Variants in MYO1E observed in about 807,000 individuals in gnomAD.
MYO1E encodes myosin IE.
In MYO1E, 68 loss-of-function variants were observed where a neutral mutation model predicts 151.1. The observed-to-expected ratio is 0.45, with a 90% CI of 0.37 to 0.55. MYO1E has a LOEUF of 0.55. Among genes scored for constraint, MYO1E ranks in the 20% least tolerant of loss-of-function variants. The probability of loss-of-function intolerance (pLI) is 0.00; values close to 1 mark genes in which losing one functional copy is unlikely to be tolerated. For missense variants in MYO1E, 1,363 were observed against 1,389.3 expected, an observed-to-expected ratio of 0.98 and a Z score of 0.30; for synonymous variants, 601 against 501.7, an observed-to-expected ratio of 1.20 and a Z score of -2.64.
chr15:59,193,300 G>C (rs1566975184), intron 17 of MYO1E, among the ~76,000 whole-genome samples: 1 of 152,198 alleles, frequency 6.6e-6, no homozygotes, highest in Non-Finnish European at 1.5e-5. Flanking sequence ...GATGTTTTCT[G>C]TATGATTGAT....
rs760211134 is a variant in MYO1E at position 59,153,551 on chromosome 15, G to A, written c.3080+39C>T. ...ACCCTTGTTTTGAATGATGGAGATGGAGCTTGCCGGCTTCATCCAGAGGAT... is the reference window on the plus strand; with the variant it reads ...ACCCTTGTTTTGAATGATGGAGATGAAGCTTGCCGGCTTCATCCAGAGGAT... On this transcript the variant is annotated intron_variant, in intron 26 of 27. Transcript: ENST00000288235. 1.4e-5 allele frequency: 23 copies of A among 1,593,188 alleles called. No homozygotes were observed. In the South Asian group the frequency reaches 2.2e-4, roughly 15 times the overall value.
intron 18 of MYO1E, among the ~76,000 whole-genome samples, chr15:59,179,683 G>A (rs1350501781): frequency 6.6e-6 from 1 of 152,140 alleles, no homozygotes; most frequent in African/African-American, 2.4e-5. Flanking sequence ...ATCCCTCTCT[G>A]TCTCTTTCAT....
chr15:59,282,714 C>T (rs1236340340), intron 1 of MYO1E, among the ~76,000 whole-genome samples: 2 of 150,274 alleles, frequency 1.3e-5, no homozygotes, highest in African/African-American at 2.5e-5. Flanking sequence ...GACGTGGTGG[C>T]ACATGCCTGT....
intron 1 of MYO1E, among the ~76,000 whole-genome samples, chr15:59,312,494 G>A (rs1425787474): frequency 2.0e-5 from 3 of 152,214 alleles, no homozygotes; most frequent in Non-Finnish European, 4.4e-5. Context: ...AAAACCTTGC[G>A]TTTAGAGCAC....
chr15:59,311,458 C>T (rs568296641), intron 1 of MYO1E, among the ~76,000 whole-genome samples: 3 of 152,254 alleles, frequency 2.0e-5, no homozygotes, highest in East Asian at 3.9e-4. Flanking sequence ...CATCCCAGTT[C>T]CTAACAGGCC....
chr15:59,327,719 A>G (rs1457266294), intron 1 of MYO1E, among the ~76,000 whole-genome samples: 6 of 152,178 alleles, frequency 3.9e-5, no homozygotes, highest in Admixed American at 2.6e-4. Flanking sequence ...CTGACCGAGA[A>G]TTGCCTCTCC....
intron 22 of MYO1E, among the ~76,000 whole-genome samples, chr15:59,165,776 G>T (rs1292539641): frequency 6.6e-6 from 1 of 152,218 alleles, no homozygotes; most frequent in Non-Finnish European, 1.5e-5. Flanking sequence ...CCCTAGCCCA[G>T]GTGTAAGAAC....
At position 59,268,720 on chromosome 15, in the gene MYO1E, A is replaced by ATTTTTTTTTTTTTTTTTTTTTTT. The variant is rs398027512; in HGVS notation, c.147+3585_147+3586insAAAAAAAAAAAAAAAAAAAAAAA. Among the ~76,000 whole-genome samples the ATTTTTTTTTTTTTTTTTTTTTTT allele has an allele frequency of 3.0e-3, 134 of 44,904 alleles. 45 individuals carry two copies. Among genetic ancestry groups the ATTTTTTTTTTTTTTTTTTTTTTT allele is most frequent in the Non-Finnish European group, 3.9e-3 (80 of 20,426 alleles). The allele number at this position is 44,904 out of a possible 152,430, so 29.5% of individuals were successfully genotyped here. On this transcript the variant is annotated intron_variant, in intron 2 of 27. Transcript: ENST00000288235. ...GTGATGGGTTCTGGGTGACTTTGGT[A>ATTTTTTTTTTTTTTTTTTTTTTT]TTTTTTTTTTTTTTTTTTTTTGCTT...
At chr15:59,198,821 G>C (rs1316564678) in intron 16 of MYO1E, among the ~76,000 whole-genome samples, 2 of 47,454 alleles carry the variant, frequency 4.2e-5, no homozygotes, top group African/African-American at 7.6e-5. Context: ...TCCATCTCAA[G>C]AAAAAAAACA....
At chr15:59,138,886 A>G (rs545374465) in intron 26 of MYO1E, among the ~76,000 whole-genome samples, 1 of 152,230 alleles carries the variant, frequency 6.6e-6, no homozygotes, top group Admixed American at 6.5e-5. Context: ...CCGACTGTCA[A>G]CTGTATGAAA....
intron 17 of MYO1E, among the ~76,000 whole-genome samples, chr15:59,190,976 G>A (rs188442005): frequency 6.6e-6 from 1 of 152,240 alleles, no homozygotes; most frequent in Admixed American, 6.5e-5. Flanking sequence ...AAGGCCAGTG[G>A]CAGGGTGCTG....
intron 1 of MYO1E, among the ~76,000 whole-genome samples, chr15:59,289,100 G>A (rs2080404526): frequency 6.6e-6 from 1 of 152,164 alleles, no homozygotes; most frequent in Non-Finnish European, 1.5e-5. Context: ...GGGCCAGAGA[G>A]GTGAAAGGAT....
At chr15:59,176,635 A>C (rs34640677) in intron 19 of MYO1E, among the ~76,000 whole-genome samples, 47,048 of 151,578 alleles carry the variant, frequency 0.31, 8,054 homozygotes, top group East Asian at 0.61. Flanking sequence ...CTAATTTTAA[A>C]TTTTTTTGTA....
At chr15:59,320,563 T>C (rs1330439613) in intron 1 of MYO1E, among the ~76,000 whole-genome samples, 5 of 152,100 alleles carry the variant, frequency 3.3e-5, no homozygotes, top group South Asian at 2.1e-4. Flanking sequence ...TTCAACAAAG[T>C]TGACAAAAAT....
chr15:59,344,518 A>G (rs1286516975), intron 1 of MYO1E, among the ~76,000 whole-genome samples: 2 of 152,214 alleles, frequency 1.3e-5, no homozygotes, highest in Non-Finnish European at 2.9e-5. Flanking sequence ...TATCTGGCCT[A>G]TGTTCCCTCA....
intron 4 of MYO1E, among the ~76,000 whole-genome samples, chr15:59,251,477 A>G (rs118086345): frequency 1.1e-4 from 17 of 152,366 alleles, no homozygotes; most frequent in East Asian, 9.6e-4. Flanking sequence ...TGATTTGCAT[A>G]AACCAGCAGA....
chr15:59,233,818 A>G (rs1441301179), intron 5 of MYO1E, among the ~76,000 whole-genome samples: 1 of 151,748 alleles, frequency 6.6e-6, no homozygotes, highest in South Asian at 2.1e-4. Flanking sequence ...TTACTGTCCA[A>G]TAGGGAAGCC....
At chr15:59,371,767 G>C (rs1298915229) in intron 1 of MYO1E, among the ~76,000 whole-genome samples, 2 of 151,840 alleles carry the variant, frequency 1.3e-5, no homozygotes, top group Admixed American at 6.6e-5. Flanking sequence ...TTCAGGAGGT[G>C]TTTACTTGGC....
intron 1 of MYO1E, among the ~76,000 whole-genome samples, chr15:59,356,107 T>G (rs761044002): frequency 1.4e-4 from 21 of 152,332 alleles, no homozygotes; most frequent in Middle Eastern, 3.4e-3. Flanking sequence ...CTACCTTTTG[T>G]TAAACAGTTG....
Sources: gnomAD v4.1 joint callset for allele counts (sites outside exome capture counted in the v4.1 genomes callset) on GRCh38, gnomAD v4.1.1 for gene constraint, MANE v1.5 for transcripts, NCBI Gene and HGNC (gene_info 2026-07-23, HGNC 2026-07-21) for gene names.